The following RBFOX1 variants were observed in gnomAD, a reference collection of about 807,000 sequenced individuals.
RBFOX1 encodes RNA binding fox-1 homolog 1, also known as RNA binding protein fox-1 homolog 1.
Under a neutral mutation model 57.7 loss-of-function variants are expected in RBFOX1, and 8 were observed. The observed-to-expected ratio is 0.14, with a 90% CI of 0.08 to 0.25. The LOEUF is 0.25. Ranked by LOEUF, RBFOX1 falls within the 10% of genes least tolerant of loss-of-function variation. RBFOX1 has a pLI of 1.00. For missense variants in RBFOX1, 611 were observed against 548.5 expected (o/e 1.11, Z -1.14); for synonymous variants, 326 against 222.4 (o/e 1.47, Z -4.15).
intron 2 of RBFOX1, among the ~76,000 whole-genome samples, chr16:6,369,350 T>G (rs1265602878): frequency 6.6e-6 from 1 of 152,128 alleles, no homozygotes; most frequent in Non-Finnish European, 1.5e-5. Context: ...AGTGTAAAGA[T>G]TGAAAGGATT....
At chr16:5,368,849 C>G (rs989935323) in intron 1 of RBFOX1, among the ~76,000 whole-genome samples, 14 of 152,164 alleles carry the variant, frequency 9.2e-5, no homozygotes, top group African/African-American at 2.9e-4. Context: ...TGGCTCTTGT[C>G]AAGAGAGGCC....
At chr16:5,522,602 G>T (rs1430753819) in intron 2 of RBFOX1, among the ~76,000 whole-genome samples, 1 of 152,132 alleles carries the variant, frequency 6.6e-6, no homozygotes, top group African/African-American at 2.4e-5. Flanking sequence ...CTTAACTATA[G>T]TCACTCTACT....
intron 2 of RBFOX1, among the ~76,000 whole-genome samples, chr16:5,490,277 A>T (rs1020622657): frequency 6.6e-6 from 1 of 152,338 alleles, no homozygotes; most frequent in South Asian, 2.1e-4. Flanking sequence ...AGTGACATAC[A>T]TGCTTCATTT....
At chr16:6,587,641 AG>A (rs1456710345) in intron 2 of RBFOX1, among the ~76,000 whole-genome samples, 2 of 152,180 alleles carry the variant, frequency 1.3e-5, no homozygotes, top group African/African-American at 4.8e-5. Context: ...ATGACAGACA[AG>A]TAAAAAAGAA....
intron 3 of RBFOX1, among the ~76,000 whole-genome samples, chr16:6,970,787 C>G (rs1270448402): frequency 2.6e-5 from 4 of 152,258 alleles, no homozygotes; most frequent in Admixed American, 2.6e-4. Flanking sequence ...TGAATTGGGT[C>G]TTATGCCCTG....
chr16:7,206,262 A>G (rs935373593), intron 4 of RBFOX1, among the ~76,000 whole-genome samples: 2 of 152,120 alleles, frequency 1.3e-5, no homozygotes, highest in East Asian at 1.9e-4. Flanking sequence ...TTGTGTTTGT[A>G]TGGCAAGTAT....
At chr16:7,606,366 C>G (rs1200822205) in intron 9 of RBFOX1, among the ~76,000 whole-genome samples, 1 of 152,130 alleles carries the variant, frequency 6.6e-6, no homozygotes, top group African/African-American at 2.4e-5. Flanking sequence ...CGTGATCTCC[C>G]TGCCTTGGCC....
intron 4 of RBFOX1, among the ~76,000 whole-genome samples, chr16:5,937,733 C>G (rs1054403171): frequency 8.8e-5 from 13 of 148,496 alleles, no homozygotes; most frequent in African/African-American, 3.0e-4. Flanking sequence ...TTACATATCT[C>G]CATATAACTA....
intron 3 of RBFOX1, among the ~76,000 whole-genome samples, chr16:5,863,565 A>T (rs561683729): frequency 6.6e-6 from 1 of 152,322 alleles, no homozygotes; most frequent in South Asian, 2.1e-4. Flanking sequence ...GTGCACATTC[A>T]TGAATACTAC....
chr16:7,006,603 C>G (rs535368810), intron 3 of RBFOX1, among the ~76,000 whole-genome samples: 1 of 152,164 alleles, frequency 6.6e-6, no homozygotes, highest in South Asian at 2.1e-4. Context: ...TTGGGAACCA[C>G]CACACCTGGC....
chr16:5,541,155 C>G (rs1455637498), intron 2 of RBFOX1, among the ~76,000 whole-genome samples: 1 of 152,090 alleles, frequency 6.6e-6, no homozygotes, highest in African/African-American at 2.4e-5. Context: ...TGGCCTGAAT[C>G]TGCATTTTTA....
chr16:5,428,404 G>T (rs1303083035), intron 1 of RBFOX1, among the ~76,000 whole-genome samples: 1 of 152,162 alleles, frequency 6.6e-6, no homozygotes, highest in Non-Finnish European at 1.5e-5. Flanking sequence ...TTTTTCAACA[G>T]TGGCCGAGTG....
At chr16:7,182,977 T>G (rs1368721588) in intron 4 of RBFOX1, among the ~76,000 whole-genome samples, 1 of 152,206 alleles carries the variant, frequency 6.6e-6, no homozygotes, top group Non-Finnish European at 1.5e-5. Flanking sequence ...CACTGGAATC[T>G]AAGCTTCCTG....
intron 3 of RBFOX1, among the ~76,000 whole-genome samples, chr16:7,007,543 G>C (rs531738790): frequency 6.6e-6 from 1 of 152,306 alleles, no homozygotes; most frequent in South Asian, 2.1e-4. Context: ...TCTTGGGGAA[G>C]TGGGGCATAA....
intron 4 of RBFOX1, among the ~76,000 whole-genome samples, chr16:7,114,657 T>A (rs1003055707): frequency 2.0e-5 from 3 of 152,206 alleles, no homozygotes; most frequent in Non-Finnish European, 2.9e-5. Flanking sequence ...GAGAAGTGCC[T>A]CATGCCTTCT....
chr16:6,330,274 A>G (rs2082856964), intron 2 of RBFOX1, among the ~76,000 whole-genome samples: 1 of 152,166 alleles, frequency 6.6e-6, no homozygotes, highest in Admixed American at 6.6e-5. Context: ...GGTGGCTGAA[A>G]CAGATTGCAA....
At chr16:6,985,769 G>A (rs2090098919) in intron 3 of RBFOX1, among the ~76,000 whole-genome samples, 1 of 146,316 alleles carries the variant, frequency 6.8e-6, no homozygotes, top group Non-Finnish European at 1.5e-5. Flanking sequence ...AGGAGGCAGA[G>A]GTTGCAATGA....
chr16:5,804,838 T>C (rs892421548), intron 3 of RBFOX1, among the ~76,000 whole-genome samples: 2 of 151,178 alleles, frequency 1.3e-5, no homozygotes, highest in African/African-American at 4.9e-5. Context: ...ATTGACACAT[T>C]CTAAATGAGG....
intron 4 of RBFOX1, among the ~76,000 whole-genome samples, chr16:7,071,592 TG>T (rs2057351314): frequency 7.7e-5 from 1 of 13,040 alleles, no homozygotes; most frequent in African/African-American, 1.6e-4. Context: ...CAGATATGTG[TG>T]TGTGTGTGTG....
Sources: allele counts gnomAD v4.1 joint callset (sites outside exome capture counted in the v4.1 genomes callset), GRCh38; gene constraint gnomAD v4.1.1; transcripts MANE v1.5; gene names NCBI Gene and HGNC (gene_info 2026-07-23, HGNC 2026-07-21).